PCDHGA2: variants seen among roughly 807,000 people sequenced by gnomAD.
PCDHGA2 encodes protocadherin gamma subfamily A, 2, also known as protocadherin gamma-A2.
A neutral mutation model predicts 59.2 loss-of-function variants in PCDHGA2; 40 were observed. The ratio of observed to expected loss-of-function variants is 0.68; its 90% confidence interval spans 0.52 to 0.88. The LOEUF (loss-of-function observed/expected upper bound fraction) is 0.88. Among genes scored for constraint, PCDHGA2 ranks in the 40% least tolerant of loss-of-function variants. The probability of loss-of-function intolerance (pLI) is 0.00; values close to 1 mark genes in which losing one functional copy is unlikely to be tolerated. For synonymous variants in PCDHGA2, 560 were observed against 526.0 expected, an observed-to-expected ratio of 1.06 and a Z score of -0.89; for missense variants, 1,226 against 1,204.0, an observed-to-expected ratio of 1.02 and a Z score of -0.27.
intron 1 of PCDHGA2, chr5:141,387,617 T>C (rs1169967462): frequency 3.5e-6 from 2 of 570,390 alleles, no homozygotes; most frequent in African/African-American, 3.8e-5. Context: ...AGTTTCCTAG[T>C]GCTGACTCTG....
intron 1 of PCDHGA2, chr5:141,360,273 C>A (rs1007767889): frequency 6.2e-7 from 1 of 1,613,890 alleles, no homozygotes; most frequent in Non-Finnish European, 8.5e-7. Context: ...AAAACTCGGT[C>A]GTAGGAAACC....
chr5:141,403,405 T>A, intron 1 of PCDHGA2: 4 of 1,614,060 alleles, frequency 2.5e-6, no homozygotes, highest in Non-Finnish European at 3.4e-6. Flanking sequence ...CTGGAGCACG[T>A]TATCCACTTC....
intron 1 of PCDHGA2, among the ~76,000 whole-genome samples, chr5:141,474,922 C>G (rs748864870): frequency 3.9e-5 from 6 of 152,238 alleles, no homozygotes; most frequent in Non-Finnish European, 8.8e-5. Flanking sequence ...CATCTCATCT[C>G]TGGCTTATAT....
chr5:141,394,500 C>T, intron 1 of PCDHGA2: 2 of 1,614,242 alleles, frequency 1.2e-6, no homozygotes, highest in Non-Finnish European at 8.5e-7. Context: ...GCCCGAGATC[C>T]TGTACCCCGC....
At chr5:141,372,583 G>A (rs1768892423) in intron 1 of PCDHGA2, 2 of 1,613,908 alleles carry the variant, frequency 1.2e-6, no homozygotes, top group Admixed American at 1.7e-5. Flanking sequence ...TTTCAGCCTG[G>A]TGTCTGCTTC....
intron 1 of PCDHGA2, chr5:141,421,945 A>T: frequency 2.5e-6 from 4 of 1,613,342 alleles, no homozygotes; most frequent in Non-Finnish European, 3.4e-6. Context: ...AAATGATCAC[A>T]TCCCAATGTT....
chr5:141,402,684 A>G (rs2094294341), intron 1 of PCDHGA2, among the ~76,000 whole-genome samples: 1 of 152,144 alleles, frequency 6.6e-6, no homozygotes, highest in African/African-American at 2.4e-5. Context: ...ATCTGATATA[A>G]TGTTACACAT....
chr5:141,357,861 A>G (rs1390320754), intron 1 of PCDHGA2: 3 of 586,608 alleles, frequency 5.1e-6, no homozygotes, highest in Non-Finnish European at 8.7e-6. Context: ...AGAATTTTCT[A>G]ATTTTACAAC....
intron 1 of PCDHGA2, among the ~76,000 whole-genome samples, chr5:141,450,487 G>A (rs1379694010): frequency 1.3e-5 from 2 of 151,938 alleles, no homozygotes; most frequent in African/African-American, 2.4e-5. Context: ...TTGTTTGTTT[G>A]TCTGTTTGTT....
chr5:141,433,291 T>A, intron 1 of PCDHGA2: 1 of 1,094,048 alleles, frequency 9.1e-7, no homozygotes, highest in Non-Finnish European at 1.3e-6. Flanking sequence ...ACTCCTAGGC[T>A]CAAGCAATTA....
At chr5:141,417,915 C>T in intron 1 of PCDHGA2, 1 of 1,603,354 alleles carries the variant, frequency 6.2e-7, no homozygotes. Flanking sequence ...GTACTATTTC[C>T]TTTGCTGCTG....
At position 141,486,706 on chromosome 5, in the gene PCDHGA2, C is replaced by G; in HGVS notation, c.2425-8101C>G. 6.2e-7 allele frequency: 1 copy of G among 1,614,154 alleles called. No homozygotes were observed. Among genetic ancestry groups the G allele is most frequent in the Non-Finnish European group, 8.5e-7 (1 of 1,180,024 alleles). ...CAGCTTCCTCTTTCATCTCTCTGAA[C>G]CCCCAGACAGGAGCTGTTCATGCTA... On this transcript the variant is annotated intron_variant, in intron 1 of 3. Coordinates refer to ENST00000394576, the MANE Select transcript of PCDHGA2 (RefSeq NM_018915.4). This position sits in a 1 kb window ranked among gnomAD's most constrained non-coding sequence, Gnocchi z 5.0.
At chr5:141,510,296 G>A (rs999749575) in intron 3 of PCDHGA2, among the ~76,000 whole-genome samples, 6 of 149,608 alleles carry the variant, frequency 4.0e-5, no homozygotes, top group African/African-American at 1.5e-4. Flanking sequence ...AAAAAATGCT[G>A]TTTTGAAATG....
chr5:141,482,144 G>A (rs564178008), intron 1 of PCDHGA2, among the ~76,000 whole-genome samples: 2 of 151,756 alleles, frequency 1.3e-5, no homozygotes, highest in African/African-American at 2.4e-5. Flanking sequence ...GGCATAAAAA[G>A]GTCAAGTCAA....
intron 1 of PCDHGA2, chr5:141,427,689 A>C (rs3749765): frequency 0.15 from 132,103 of 873,882 alleles, 11,769 homozygotes; most frequent in African/African-American, 0.33. Flanking sequence ...CGGAGCCTCC[A>C]TCCCACAAGT....
chr5:141,453,050 C>A (rs2098754757), intron 1 of PCDHGA2, among the ~76,000 whole-genome samples: 3 of 152,006 alleles, frequency 2.0e-5, no homozygotes, highest in Non-Finnish European at 4.4e-5. Context: ...CTATTATGTG[C>A]AGTTTTAGAG....
chr5:141,431,603 C>T lies in PCDHGA2; in HGVS notation c.2425-63204C>T, dbSNP rs746243366. On this transcript the variant is annotated intron_variant, in intron 1 of 3. Coordinates refer to ENST00000394576, the MANE Select transcript of PCDHGA2 (RefSeq NM_018915.4). This position sits in a 1 kb window ranked among gnomAD's most constrained non-coding sequence, Gnocchi z 4.8. ...CAATGCGGAAGTGAGGTATTCCTTC[C>T]GGTATGTGGACGACAAGGCGGCCCA... is the stretch of plus-strand genomic sequence containing the variant. 1.1e-5 allele frequency: 17 copies of T among 1,614,212 alleles called. No individual in the cohort carries two copies. Among genetic ancestry groups the T allele is most frequent in the Non-Finnish European group, 1.4e-5 (16 of 1,180,044 alleles).
chr5:141,409,177 T>A (rs1272833119), intron 1 of PCDHGA2: 1 of 1,613,944 alleles, frequency 6.2e-7, no homozygotes, highest in Non-Finnish European at 8.5e-7. Context: ...AGGACGGAGG[T>A]GGTCTCTCTA....
chr5:141,478,095 C>T, intron 1 of PCDHGA2: 5 of 1,614,100 alleles, frequency 3.1e-6, no homozygotes, highest in Non-Finnish European at 4.2e-6. Context: ...TCCACCACTG[C>T]TACCCTCACT....
Sources: gnomAD v4.1 joint callset for allele counts (sites outside exome capture counted in the v4.1 genomes callset) on GRCh38, gnomAD v4.1.1 for gene constraint, Gnocchi (gnomAD v3.1) non-coding constraint, MANE v1.5 for transcripts, NCBI Gene and HGNC (gene_info 2026-07-23, HGNC 2026-07-21) for gene names.